ANP32A: variants seen among roughly 807,000 people sequenced by gnomAD.
The protein encoded by ANP32A is acidic nuclear phosphoprotein 32 family member A.
In ANP32A, 1 loss-of-function variant was observed where a neutral mutation model predicts 33.9. The observed-to-expected ratio is 0.03, with a 90% CI of 0.01 to 0.14. The LOEUF is 0.14. ANP32A is among the 10% of genes least tolerant of loss of function. The pLI is 1.00. For missense variants in ANP32A, 155 were observed against 306.0 expected, an observed-to-expected ratio of 0.51 and a Z score of 3.68; for synonymous variants, 115 against 120.5, an observed-to-expected ratio of 0.95 and a Z score of 0.30.
Position 68,786,252 on chromosome 15 carries a change from C to CTT in ANP32A, c.327+1159_327+1160dup, listed in dbSNP as rs558065991. Reference sequence around the variant, plus strand: ...GATGCCTGAGGTGCTGCTGCTGCTGCTTTTTTTTTTTTTTTTTTTTTTTTG... The same window carrying CTT: ...GATGCCTGAGGTGCTGCTGCTGCTGCTTTTTTTTTTTTTTTTTTTTTTTTTTG... On this transcript the variant is annotated intron_variant, in intron 3 of 6. Coordinates refer to ENST00000465139, the MANE Select transcript of ANP32A (RefSeq NM_006305.4). 6.6e-3 allele frequency among the ~76,000 whole-genome samples: 591 copies of CTT among 90,048 alleles called. 2 individuals are homozygous for CTT. Among genetic ancestry groups the CTT allele is most frequent in the Non-Finnish European group, 9.3e-3 (442 of 47,494 alleles). 59.1% of individuals were successfully genotyped at this position (90,048 alleles called of 152,430 possible). A position where few individuals can be genotyped will look rare whatever the true frequency, so the allele number is the denominator to read the frequency against.
chr15:68,786,645 A>G (rs1893937252), intron 3 of ANP32A, among the ~76,000 whole-genome samples: 1 of 152,212 alleles, frequency 6.6e-6, no homozygotes, highest in South Asian at 2.1e-4. Context: ...AGTTGTTTTC[A>G]GTGACACATC....
At chr15:68,805,423 A>G (rs1894204836) in intron 1 of ANP32A, among the ~76,000 whole-genome samples, 2 of 152,338 alleles carry the variant, frequency 1.3e-5, no homozygotes, top group East Asian at 3.9e-4. Flanking sequence ...TGAGAAAATA[A>G]ATGTATTATT....
intron 1 of ANP32A, among the ~76,000 whole-genome samples, chr15:68,798,391 G>C (rs1596069135): frequency 1.3e-5 from 2 of 152,234 alleles, no homozygotes; most frequent in African/African-American, 4.8e-5. Context: ...CACAGCCGTG[G>C]TGTAAGCGTC....
chr15:68,784,694 G>A (rs1893910937), intron 3 of ANP32A, 99 bp from the exon 4 acceptor site: 21 of 1,336,606 alleles, frequency 1.6e-5, no homozygotes, highest in Middle Eastern at 3.6e-4. Context: ...GATAGCATGC[G>A]CAGACCATGA....
In ANP32A at chr15:68,804,735, G is replaced by C. The variant is rs182451453; in HGVS notation, c.54+15963C>G. On this transcript the variant is annotated intron_variant, in intron 1 of 6. Transcript: ENST00000465139. ...TCACCATGTTGGCCAGGATGGTCTCGATCTCCTGGCCTCGTGATCCACCTG... is the reference window on the plus strand; with the variant it reads ...TCACCATGTTGGCCAGGATGGTCTCCATCTCCTGGCCTCGTGATCCACCTG... 4.9e-3 allele frequency among the ~76,000 whole-genome samples: 750 copies of C among 152,252 alleles called. 5 individuals carry two copies. Among genetic ancestry groups the C allele is most frequent in the African/African-American group, 0.014 (595 of 41,558 alleles).
At chr15:68,793,292 C>T (rs185952845) in intron 1 of ANP32A, among the ~76,000 whole-genome samples, 15 of 152,228 alleles carry the variant, frequency 9.9e-5, no homozygotes, top group Middle Eastern at 3.4e-3. Flanking sequence ...AACAGTATGA[C>T]GAATAAATGT....
At chr15:68,785,374 T>A (rs1485884844) in intron 3 of ANP32A, among the ~76,000 whole-genome samples, 4 of 152,152 alleles carry the variant, frequency 2.6e-5, no homozygotes, top group Non-Finnish European at 5.9e-5. Context: ...TCATACTGCT[T>A]GCAAGTAACT....
At chr15:68,800,881 G>A (rs750747320) in intron 1 of ANP32A, among the ~76,000 whole-genome samples, 3 of 152,132 alleles carry the variant, frequency 2.0e-5, no homozygotes, top group Non-Finnish European at 2.9e-5. Context: ...ACAACTAGGA[G>A]GGCCTTCCAG....
At chr15:68,810,932 C>A (rs1381452665) in intron 1 of ANP32A, among the ~76,000 whole-genome samples, 1 of 151,878 alleles carries the variant, frequency 6.6e-6, no homozygotes, top group Non-Finnish European at 1.5e-5. Context: ...TGGTGGTGGA[C>A]ACCTGTAATC....
chr15:68,784,325 C>A, intron 4 of ANP32A, 72 bp downstream of exon 4: 2 of 1,527,352 alleles, frequency 1.3e-6, no homozygotes, highest in Non-Finnish European at 1.8e-6. Flanking sequence ...CCACCCACCT[C>A]TGCAAAGCCA....
At chr15:68,808,000 T>C (rs1404780362) in intron 1 of ANP32A, among the ~76,000 whole-genome samples, 5 of 152,256 alleles carry the variant, frequency 3.3e-5, no homozygotes, top group East Asian at 3.9e-4. Context: ...CAGAACGTGG[T>C]TGTGTGAACA....
At chr15:68,811,185 T>TA (rs1304048013) in intron 1 of ANP32A, among the ~76,000 whole-genome samples, 1 of 149,352 alleles carries the variant, frequency 6.7e-6, no homozygotes, top group Non-Finnish European at 1.5e-5. Context: ...CGTGGTGGAG[T>TA]AAGAGAGGTG....
At chr15:68,786,692 G>C (rs145510856) in intron 3 of ANP32A, among the ~76,000 whole-genome samples, 5 of 152,122 alleles carry the variant, frequency 3.3e-5, no homozygotes, top group African/African-American at 1.2e-4. Context: ...GGAATACAGC[G>C]AATCAGATCC....
At chr15:68,784,622 G>A in intron 3 of ANP32A, 27 bp from the exon 4 acceptor site, 1 of 1,612,732 alleles carries the variant, frequency 6.2e-7, no homozygotes, top group Non-Finnish European at 8.5e-7. Context: ...GAAGCCAACA[G>A]TAAGTGATTT....
chr15:68,801,372 T>C (rs1001250920), intron 1 of ANP32A, among the ~76,000 whole-genome samples: 5 of 151,946 alleles, frequency 3.3e-5, no homozygotes, highest in African/African-American at 1.2e-4. Flanking sequence ...TTTGGACACA[T>C]GAGAAGTAGT....
chr15:68,789,165 A>G (rs7163136), intron 1 of ANP32A: 28,048 of 152,194 alleles, frequency 0.18, 3,867 homozygotes, highest in African/African-American at 0.37. Flanking sequence ...ATCCCTGCCC[A>G]CACCTGGTAT....
chr15:68,780,208 A>T lies in ANP32A; in HGVS notation c.689-66T>A. 6.3e-7 allele frequency: 1 copy of T among 1,599,430 alleles called. No individual in the cohort carries two copies. The highest frequency in any genetic ancestry group is 2.2e-5 in the East Asian group (1 of 44,762). Reference sequence around the variant, plus strand: ...CCCACCTCTTTAACTCAACCCACCCAGTGAGAAGTCAGGGGACCCATGACT... The same window carrying T: ...CCCACCTCTTTAACTCAACCCACCCTGTGAGAAGTCAGGGGACCCATGACT... On this transcript the variant is annotated intron_variant, in intron 6 of 6. Coordinates refer to ENST00000465139, the MANE Select transcript of ANP32A (RefSeq NM_006305.4). The surrounding 1 kb of genome is among the most constrained non-coding windows in gnomAD (Gnocchi z 4.3).
At chr15:68,812,809 G>C (rs983530527) in intron 1 of ANP32A, 1 of 152,192 alleles carries the variant, frequency 6.6e-6, no homozygotes, top group African/African-American at 2.4e-5. Flanking sequence ...ACATACCAGG[G>C]AGTGGAGTAA....
chr15:68,792,119 T>G (rs962480355), intron 1 of ANP32A: 15 of 151,762 alleles, frequency 9.9e-5, no homozygotes, highest in Non-Finnish European at 8.8e-5. Flanking sequence ...GGGTGTGTTC[T>G]GCTTTAAAAA....
Sources: allele counts gnomAD v4.1 joint callset (sites outside exome capture counted in the v4.1 genomes callset), GRCh38; gene constraint gnomAD v4.1.1; non-coding constraint Gnocchi (gnomAD v3.1); transcripts MANE v1.5; gene names NCBI Gene and HGNC (gene_info 2026-07-23, HGNC 2026-07-21).